Variants in NUP98 observed in about 807,000 individuals in gnomAD.
NUP98 encodes nucleoporin 98 and 96 precursor.
Under a neutral mutation model 191.9 loss-of-function variants are expected in NUP98, and 26 were observed. That is an observed-to-expected ratio of 0.14 (90% CI 0.10 to 0.19). The LOEUF (loss-of-function observed/expected upper bound fraction) is 0.19, where lower values mean the gene tolerates loss of function less well. Ranked by LOEUF, NUP98 falls within the 10% of genes least tolerant of loss-of-function variation. The probability of loss-of-function intolerance (pLI) is 1.00; values close to 1 mark genes in which losing one functional copy is unlikely to be tolerated. For missense variants in NUP98, 1,941 were observed against 2,178.8 expected, an observed-to-expected ratio of 0.89 and a Z score of 2.17; for synonymous variants, 808 against 778.4, an observed-to-expected ratio of 1.04 and a Z score of -0.63.
At chr11:3,773,769 G>C (rs1435293863) in intron 5 of NUP98, 30 bp from the exon 6 acceptor site, 4 of 1,391,346 alleles carry the variant, frequency 2.9e-6, no homozygotes, top group South Asian at 1.2e-5. Flanking sequence ...CAAATTTGTA[G>C]GTCCAAGTTT....
At position 3,686,192 on chromosome 11, in the gene NUP98, T is replaced by C; in HGVS notation, c.4457A>G (p.His1486Arg). 1.2e-6 allele frequency: 2 copies of C among 1,614,224 alleles called. No individual in the cohort carries two copies. Among genetic ancestry groups the C allele is most frequent in the Non-Finnish European group, 1.7e-6 (2 of 1,180,012 alleles). Residue 1486 changes from histidine (H) to arginine (R), a missense_variant and splice_region_variant, in exon 29 of 33, where the codon CAT (histidine) becomes CGT (arginine). Coordinates refer to ENST00000324932, the MANE Select transcript of NUP98 (RefSeq NM_016320.5). ...FHLLKLYSDR[H>R]YDLNQLLEPR... ...CTCCAGCAGCTGGTTGAGATCATAA[T>C]GTCTGCAAAGAACGTGTTGAGAGTC... is the stretch of plus-strand genomic sequence containing the variant.
In NUP98 at chr11:3,691,330, G is replaced by T; in HGVS notation, c.4454+17C>A. 6.2e-7 allele frequency: 1 copy of T among 1,613,918 alleles called. No homozygotes were observed. The highest frequency in any genetic ancestry group is 8.5e-7 in the Non-Finnish European group (1 of 1,179,980). ...CATGGAGCACTCAAGTGACAATAAA[G>T]CCTGGCTCTCATTTACCTGTCACTG... On this transcript the variant is annotated intron_variant, in intron 28 of 32. Coordinates refer to ENST00000324932, the MANE Select transcript of NUP98 (RefSeq NM_016320.5).
intron 1 of NUP98, among the ~76,000 whole-genome samples, chr11:3,787,892 T>G (rs1417010141): frequency 6.6e-6 from 1 of 151,944 alleles, no homozygotes; most frequent in African/African-American, 2.4e-5. Context: ...CTTGGGAGGC[T>G]GAGGCAGGAG....
rs148293076 is a variant in NUP98 at position 3,734,298 on chromosome 11, G to C, written c.1542+893C>G. ...TCCACCCGCCTCGGACTCCCAGAGT[G>C]CTAGGATTACAGGCCTGAGCCACTG... On this transcript the variant is annotated intron_variant, in intron 13 of 32. Transcript: ENST00000324932. 3.3e-3 allele frequency among the ~76,000 whole-genome samples: 502 copies of C among 152,278 alleles called. 1 individual carries two copies. The highest frequency in any genetic ancestry group is 0.011 in the African/African-American group (477 of 41,554).
intron 27 of NUP98, among the ~76,000 whole-genome samples, chr11:3,691,756 G>GTTGGCCA (rs1332281555): frequency 1.3e-5 from 2 of 152,126 alleles, no homozygotes; most frequent in Non-Finnish European, 2.9e-5. Flanking sequence ...GTTTTGCCAT[G>GTTGGCCA]TTGGCCAGGC....
intron 1 of NUP98, among the ~76,000 whole-genome samples, chr11:3,783,562 G>C (rs1232958236): frequency 6.6e-6 from 1 of 152,172 alleles, no homozygotes; most frequent in African/African-American, 2.4e-5. Context: ...AGCCAGGCGT[G>C]GTGGTGCATG....
Position 3,773,629 on chromosome 11 carries a change from G to C in NUP98, c.603+3C>G. 1 of 1,543,134 alleles carries C rather than the reference G, an allele frequency of 6.5e-7. No homozygotes were observed. The highest frequency in any genetic ancestry group is 1.4e-5 in the African/African-American group (1 of 73,450). ...CTGACATTCTGTATTGTATTTTACTGACCTCTAGTGACTTGCTTTCATATT... is the reference window on the plus strand; with the variant it reads ...CTGACATTCTGTATTGTATTTTACTCACCTCTAGTGACTTGCTTTCATATT... On this transcript the variant is annotated splice_donor_region_variant and intron_variant, in intron 6 of 32. Transcript: ENST00000324932.
At position 3,744,746 on chromosome 11, in the gene NUP98, T is replaced by C. The variant is rs539919092; in HGVS notation, c.1268-97A>G. On this transcript the variant is annotated intron_variant, in intron 11 of 32. Transcript: ENST00000324932. ...TAAAAATATAATACATTTGGAAACT[T>C]CATAGTGACCACTCATTTCAACAAA... 18 of 1,362,580 alleles carry C rather than the reference T, an allele frequency of 1.3e-5. No homozygotes were observed. The East Asian group carries it at 1.6e-4, about 12-fold the overall frequency. The allele number at this position is 1,362,580 out of a possible 1,614,324, so 84.4% of individuals were successfully genotyped here.
At chr11:3,778,025 C>T (rs567741599) in intron 4 of NUP98, among the ~76,000 whole-genome samples, 100 of 151,498 alleles carry the variant, frequency 6.6e-4, no homozygotes, top group African/African-American at 2.4e-3. Flanking sequence ...GGTGAAACCC[C>T]GTCTCTACAA....
chr11:3,683,527 G>C lies in NUP98; in HGVS notation c.4677-86C>G. 6 of 1,430,090 alleles carry C rather than the reference G, an allele frequency of 4.2e-6. No individual in the cohort carries two copies. The Middle Eastern group carries it at 6.7e-4, about 159-fold the overall frequency. 88.6% of individuals were successfully genotyped at this position (1,430,090 alleles called of 1,614,324 possible). ...GCAGCTTAGAGTGGCCCTTGGGGCA[G>C]TCTCTTAAACTGCAGGTCTTTTTTT... On this transcript the variant is annotated intron_variant, in intron 29 of 32. Coordinates refer to ENST00000324932, the MANE Select transcript of NUP98 (RefSeq NM_016320.5).
chr11:3,721,207 A>C (rs1035129050), intron 16 of NUP98, among the ~76,000 whole-genome samples: 2 of 152,196 alleles, frequency 1.3e-5, no homozygotes, highest in Admixed American at 6.5e-5. Flanking sequence ...AGAAAAGCTT[A>C]ATCAGCTTTT....
intron 30 of NUP98, among the ~76,000 whole-genome samples, chr11:3,680,444 T>C (rs1009114363): frequency 6.6e-6 from 1 of 152,210 alleles, no homozygotes; most frequent in Non-Finnish European, 1.5e-5. Context: ...CACTAAAGTC[T>C]TGAACCCTTC....
chr11:3,705,467 T>C, intron 21 of NUP98, 111 bp from the exon 22 acceptor site: 1 of 1,009,300 alleles, frequency 9.9e-7, no homozygotes, highest in Non-Finnish European at 1.5e-6. Flanking sequence ...CAAGGCTGTG[T>C]ACAGAGCTAG....
chr11:3,785,018 G>A (rs918283287), intron 1 of NUP98, among the ~76,000 whole-genome samples: 8 of 151,654 alleles, frequency 5.3e-5, no homozygotes, highest in Admixed American at 2.0e-4. Flanking sequence ...GGCGCCTGCC[G>A]TCCCAGCTAC....
intron 17 of NUP98, among the ~76,000 whole-genome samples, 189 bp downstream of exon 17, chr11:3,720,523 A>G (rs969470704): frequency 6.6e-6 from 1 of 152,108 alleles, no homozygotes; most frequent in Non-Finnish European, 1.5e-5. Context: ...TAAAATAAAT[A>G]AAAATAAAAA....
chr11:3,742,699 CAAAAAAAAA>C (rs35895691), intron 12 of NUP98, among the ~76,000 whole-genome samples: 13 of 82,890 alleles, frequency 1.6e-4, no homozygotes, highest in Admixed American at 2.8e-4. Flanking sequence ...ACTCTGTCTC[CAAAAAAAAA>C]AAAAAAAAAA....
chr11:3,687,331 G>A (rs899729506), intron 28 of NUP98, among the ~76,000 whole-genome samples: 15 of 152,092 alleles, frequency 9.9e-5, no homozygotes, highest in African/African-American at 3.6e-4. Context: ...CCCAATCTAT[G>A]GTTTACCTTT....
intron 14 of NUP98, among the ~76,000 whole-genome samples, chr11:3,726,758 C>CTAATCTGGTA (rs1464870277): frequency 6.6e-6 from 1 of 151,744 alleles, no homozygotes; most frequent in Non-Finnish European, 1.5e-5. Flanking sequence ...CTGATGTTAC[C>CTAATCTGGTA]ATCAGATTAG....
intron 10 of NUP98, among the ~76,000 whole-genome samples, chr11:3,758,349 A>C (rs918144421): frequency 2.6e-5 from 4 of 151,986 alleles, no homozygotes; most frequent in Admixed American, 6.6e-5. Flanking sequence ...AAAAAAGAAA[A>C]AACAGTCCCA....
Sources: allele counts gnomAD v4.1 joint callset (sites outside exome capture counted in the v4.1 genomes callset), GRCh38; gene constraint gnomAD v4.1.1; transcripts MANE v1.5; gene names NCBI Gene and HGNC (gene_info 2026-07-23, HGNC 2026-07-21).